Variants in NUMB observed in about 807,000 individuals in gnomAD.
NUMB encodes NUMB endocytic adaptor protein, also known as protein numb homolog.
Under a neutral mutation model 59.7 loss-of-function variants are expected in NUMB, and 29 were observed. The observed-to-expected ratio is 0.49, with a 90% CI of 0.36 to 0.66. The LOEUF is 0.66. NUMB is among the 30% of genes least tolerant of loss of function. NUMB has a pLI of 0.00. For synonymous variants in NUMB, 288 were observed against 288.2 expected (o/e 1.00, Z 0.01); for missense variants, 723 against 822.0 (o/e 0.88, Z 1.47).
chr14:73,408,832 G>A (rs1595003435), intron 2 of NUMB, among the ~76,000 whole-genome samples: 4 of 147,462 alleles, frequency 2.7e-5, no homozygotes, highest in South Asian at 2.1e-4. Context: ...AGCCAAGATC[G>A]TGCCATTGCA....
At chr14:73,301,490 T>C (rs1890127236) in intron 6 of NUMB, among the ~76,000 whole-genome samples, 1 of 152,128 alleles carries the variant, frequency 6.6e-6, no homozygotes, top group African/African-American at 2.4e-5. Context: ...CAGGCTGCCA[T>C]ACAAGTGGCA....
At chr14:73,457,094 T>C (rs1373544710) in intron 1 of NUMB, among the ~76,000 whole-genome samples, 1 of 152,174 alleles carries the variant, frequency 6.6e-6, no homozygotes, top group African/African-American at 2.4e-5. Context: ...CTATTACTAT[T>C]AGTATTCTGA....
intron 4 of NUMB, among the ~76,000 whole-genome samples, chr14:73,335,508 T>A (rs1892262074): frequency 6.6e-6 from 1 of 152,200 alleles, no homozygotes; most frequent in African/African-American, 2.4e-5. Flanking sequence ...AGCTGATTTA[T>A]GCTTAATGGC....
intron 3 of NUMB, among the ~76,000 whole-genome samples, chr14:73,365,201 A>G (rs1894284347): frequency 6.6e-6 from 1 of 151,984 alleles, no homozygotes; most frequent in African/African-American, 2.4e-5. Context: ...CACTATACAC[A>G]GCTAATTTTT....
In NUMB at chr14:73,400,208, A is replaced by T. The variant is rs1896347913; in HGVS notation, c.-101+9729T>A. ...TATACCATATGATTCCAACTATATG[A>T]CATTCTGGAAAAGGCACAACTATGG... On this transcript the variant is annotated intron_variant, in intron 2 of 12. Coordinates refer to ENST00000555238, the MANE Select transcript of NUMB (RefSeq NM_001005743.2). 2.6e-5 allele frequency among the ~76,000 whole-genome samples: 4 copies of T among 152,214 alleles called. No homozygotes were observed. In the South Asian group the frequency reaches 6.2e-4, roughly 24 times the overall value.
intron 12 of NUMB, 103 bp downstream of exon 12, chr14:73,279,178 A>G (rs1888428756): frequency 2.3e-6 from 3 of 1,322,068 alleles, no homozygotes; most frequent in Non-Finnish European, 3.2e-6. Flanking sequence ...AGTTTTCCTG[A>G]AAGGATTCCT....
chr14:73,325,951 C>CT (rs1327068631), intron 4 of NUMB, among the ~76,000 whole-genome samples: 2 of 152,070 alleles, frequency 1.3e-5, no homozygotes, highest in Non-Finnish European at 2.9e-5. Flanking sequence ...CCCCCTTTTG[C>CT]TTTTTTCCTT....
intron 6 of NUMB, among the ~76,000 whole-genome samples, chr14:73,313,635 T>C (rs1214295585): frequency 7.3e-6 from 1 of 136,574 alleles, no homozygotes; most frequent in Admixed American, 8.0e-5. Flanking sequence ...CCCCAAAATA[T>C]CTCATTATAT....
chr14:73,348,734 T>A (rs8014655), intron 4 of NUMB, among the ~76,000 whole-genome samples: 9,468 of 152,282 alleles, frequency 0.062, 749 homozygotes, highest in African/African-American at 0.17. Flanking sequence ...TGGGGACCAC[T>A]GCTCTAAAGC....
chr14:73,277,153 C>G lies in NUMB; in HGVS notation c.1381G>C (p.Ala461Pro). The change falls in exon 13 of 13, where the codon GCT becomes CCT. Residue 461 changes from alanine to proline, a missense_variant. Physicochemically the swap from Ala to Pro is conservative, Grantham distance 27. This residue lies in a region of NUMB where 406 missense variants were observed against 385.4 expected (regional missense o/e 1.05). Transcript: ENST00000555238. Reference protein sequence around the residue: ...VRAQQPQASAAPLQPVLQPPP... With the variant: ...VRAQQPQASAPPLQPVLQPPP... ...GGCTGGAGAACTGGCTGCAGAGGAG[C>G]AGCTGAGGCCTGGGGCTGCTGAGCC... 1 of 1,613,952 alleles carries G rather than the reference C, an allele frequency of 6.2e-7. No homozygotes were observed. Among genetic ancestry groups the G allele is most frequent in the Non-Finnish European group, 8.5e-7 (1 of 1,179,982 alleles).
chr14:73,450,155 G>A (rs1285036279), intron 1 of NUMB, among the ~76,000 whole-genome samples: 1 of 152,184 alleles, frequency 6.6e-6, no homozygotes, highest in Non-Finnish European at 1.5e-5. Flanking sequence ...TGCCCACTAT[G>A]GGCAAAATGC....
intron 4 of NUMB, among the ~76,000 whole-genome samples, chr14:73,326,528 G>A (rs753767883): frequency 2.6e-5 from 4 of 152,014 alleles, no homozygotes; most frequent in Non-Finnish European, 5.9e-5. Context: ...TCGGGAGGCT[G>A]AGGCAGGAGA....
intron 3 of NUMB, among the ~76,000 whole-genome samples, chr14:73,365,781 T>C (rs1239489505): frequency 6.6e-6 from 1 of 152,244 alleles, no homozygotes; most frequent in African/African-American, 2.4e-5. Flanking sequence ...TAATCATAGA[T>C]ACCTTACTTT....
At position 73,433,969 on chromosome 14, in the gene NUMB, T is replaced by G. The variant is rs181500318; in HGVS notation, c.-232-23901A>C. On this transcript the variant is annotated intron_variant, in intron 1 of 12. Transcript: ENST00000555238. ...TTAGCCAGGTGTGGTGGTGCACGCC[T>G]GTAATCCTAGCTACTCCAGAGGCTG... Among the ~76,000 whole-genome samples the G allele has an allele frequency of 5.4e-3, 825 of 152,230 alleles. 5 individuals carry two copies. The highest frequency in any genetic ancestry group is 0.019 in the African/African-American group (793 of 41,526).
intron 4 of NUMB, among the ~76,000 whole-genome samples, chr14:73,341,203 A>T (rs1163165538): frequency 6.6e-6 from 1 of 152,234 alleles, no homozygotes; most frequent in Admixed American, 6.5e-5. Context: ...GGAAAACAGC[A>T]GATATAAGTT....
chr14:73,372,305 T>TTATATA (rs3028704), intron 2 of NUMB, among the ~76,000 whole-genome samples: 8,795 of 85,690 alleles, frequency 0.1, 705 homozygotes, highest in Non-Finnish European at 0.11. Flanking sequence ...TATATTTCTT[T>TTATATA]TATATATATA....
At chr14:73,289,754 C>T (rs1889268577) in intron 8 of NUMB, among the ~76,000 whole-genome samples, 1 of 152,098 alleles carries the variant, frequency 6.6e-6, no homozygotes. Context: ...TCTAACTTCC[C>T]AGTAGGATGA....
intron 2 of NUMB, among the ~76,000 whole-genome samples, chr14:73,392,082 T>G (rs1035533074): frequency 6.6e-6 from 1 of 152,224 alleles, no homozygotes; most frequent in African/African-American, 2.4e-5. Flanking sequence ...TTGATTCCTG[T>G]AGGATTGCAA....
chr14:73,321,216 C>G lies in NUMB; in HGVS notation c.201+1914G>C, dbSNP rs141732110. Among the ~76,000 whole-genome samples the G allele has an allele frequency of 1.3e-4, 20 of 152,276 alleles. No homozygotes were observed. The East Asian group carries it at 3.9e-3, about 29-fold the overall frequency. ...GTCATACTCTGAATCAAAAGACTTT[C>G]TAAAGGCTCATTCCACAGTGGCCAT... On this transcript the variant is annotated intron_variant, in intron 5 of 12. Coordinates refer to ENST00000555238, the MANE Select transcript of NUMB (RefSeq NM_001005743.2).
Sources: allele counts gnomAD v4.1 joint callset (sites outside exome capture counted in the v4.1 genomes callset), GRCh38; gene constraint gnomAD v4.1.1; regional missense constraint gnomAD v4.1.1; transcripts MANE v1.5; gene names NCBI Gene and HGNC (gene_info 2026-07-23, HGNC 2026-07-21).